CSGALNACT1: variants seen among roughly 807,000 people sequenced by gnomAD.
CSGALNACT1 encodes the protein beta4GalNAcT-1.
In CSGALNACT1, 52 loss-of-function variants were observed where a neutral mutation model predicts 51.0. The observed-to-expected ratio is 1.02, with a 90% confidence interval of 0.82 to 1.29. The LOEUF (loss-of-function observed/expected upper bound fraction) is 1.29. CSGALNACT1 is among the 50% of genes most tolerant of loss of function. The probability of loss-of-function intolerance (pLI) is 0.00; values close to 1 mark genes in which losing one functional copy is unlikely to be tolerated. For missense variants in CSGALNACT1, 935 were observed against 679.2 expected, an observed-to-expected ratio of 1.38 and a Z score of -4.19; for synonymous variants, 341 against 254.4, an observed-to-expected ratio of 1.34 and a Z score of -3.24.
At chr8:19,620,296 C>CAG (rs1225616850) in intron 1 of CSGALNACT1, among the ~76,000 whole-genome samples, 1 of 103,526 alleles carries the variant, frequency 9.7e-6, no homozygotes, top group Non-Finnish European at 1.8e-5. Context: ...GCCTGGGCAA[C>CAG]AGAGTGAGAC....
At chr8:19,725,897 C>T (rs2063374196) in intron 1 of CSGALNACT1, among the ~76,000 whole-genome samples, 1 of 152,150 alleles carries the variant, frequency 6.6e-6, no homozygotes, top group Non-Finnish European at 1.5e-5. Context: ...TACATGGACA[C>T]ATCATTATCA....
intron 1 of CSGALNACT1, among the ~76,000 whole-genome samples, chr8:19,746,019 C>T (rs186060288): frequency 2.8e-4 from 43 of 152,072 alleles, no homozygotes; most frequent in Non-Finnish European, 5.0e-4. Flanking sequence ...AGTTTCAGCT[C>T]CTTGATAATA....
chr8:19,407,921 G>C (rs1480166216), intron 9 of CSGALNACT1, among the ~76,000 whole-genome samples: 1 of 85,710 alleles, frequency 1.2e-5, no homozygotes, highest in Non-Finnish European at 2.6e-5. Flanking sequence ...GTGTGTGTGT[G>C]TGTGTGTGTG....
intron 1 of CSGALNACT1, among the ~76,000 whole-genome samples, chr8:19,657,077 A>G (rs2154187952): frequency 6.6e-6 from 1 of 151,852 alleles, no homozygotes; most frequent in Non-Finnish European, 1.5e-5. Context: ...AAAAAAAAAA[A>G]AAAAAGGAAA....
chr8:19,684,590 C>G (rs1245731763), upstream of CSGALNACT1, among the ~76,000 whole-genome samples: 1 of 152,106 alleles, frequency 6.6e-6, no homozygotes, highest in African/African-American at 2.4e-5. Flanking sequence ...CCCTGGGACC[C>G]AGGGATTGCT....
At chr8:19,556,124 TC>T (rs1431304067) in intron 3 of CSGALNACT1, among the ~76,000 whole-genome samples, 1 of 152,136 alleles carries the variant, frequency 6.6e-6, no homozygotes, top group Non-Finnish European at 1.5e-5. Context: ...ATGCCTGTAA[TC>T]CCAACACTGT....
In CSGALNACT1 at chr8:19,645,307, CAAGACATCCTCTAATG is replaced by C. The variant is rs1338840194; in HGVS notation, c.-544+37150_-544+37165del. On this transcript the variant is annotated intron_variant, in intron 1 of 9. Coordinates refer to the CSGALNACT1 transcript ENST00000332246. ...TTAACATACAACAGTGGGACATAGC[CAAGACATCCTCTAATG>C]AAGACATGGAGAATACTGTCCAACT... Among the ~76,000 whole-genome samples, 10 of 152,312 alleles carry C rather than the reference CAAGACATCCTCTAATG, an allele frequency of 6.6e-5. No individual in the cohort carries two copies. In the South Asian group the frequency reaches 1.0e-3, roughly 16 times the overall value.
At chr8:19,711,685 G>A (rs1337401162) in intron 1 of CSGALNACT1, among the ~76,000 whole-genome samples, 1 of 152,134 alleles carries the variant, frequency 6.6e-6, no homozygotes, top group East Asian at 1.9e-4. Context: ...CTGAAGAAGG[G>A]AATCTCAATA....
exon 7 of CSGALNACT1, chr8:19,420,516 G>T: frequency 6.2e-7 from 1 of 1,613,834 alleles, no homozygotes; most frequent in Non-Finnish European, 8.5e-7. Context: ...GAAGTTGGCA[G>T]CTCTGAAAGG....
At chr8:19,504,574 C>A (rs929013904) in intron 4 of CSGALNACT1, among the ~76,000 whole-genome samples, 98 of 152,066 alleles carry the variant, frequency 6.4e-4, no homozygotes, top group African/African-American at 2.3e-3. Context: ...GTCCTACGCC[C>A]GTGAAAAAAA....
At chr8:19,626,279 C>A (rs2054444560) in intron 1 of CSGALNACT1, among the ~76,000 whole-genome samples, 1 of 151,970 alleles carries the variant, frequency 6.6e-6, no homozygotes, top group Non-Finnish European at 1.5e-5. Flanking sequence ...TAAGAATGGC[C>A]AGCACATTTA....
chr8:19,554,884 T>C (rs1232093661), intron 3 of CSGALNACT1, among the ~76,000 whole-genome samples: 1 of 151,638 alleles, frequency 6.6e-6, no homozygotes, highest in African/African-American at 2.4e-5. Context: ...CGCCACTGCA[T>C]TGCAGCCTGG....
rs964090316 is a variant in CSGALNACT1, at chr8:19,601,991, C to A, written c.-511+1G>T. On this transcript the variant is annotated splice_donor_variant, in intron 1 of 9. Coordinates refer to ENST00000454498, the Ensembl canonical transcript of CSGALNACT1. LOFTEE classifies it low-confidence loss of function (5UTR_SPLICE). Reference sequence around the variant, plus strand: ...AAATACAATGCATCTGAAAGTATTACCCCAAAAAGCAGGATGGTATTTGTT... The same window carrying A: ...AAATACAATGCATCTGAAAGTATTAACCCAAAAAGCAGGATGGTATTTGTT... 38 of 388,904 alleles carry A rather than the reference C, an allele frequency of 9.8e-5. No individual in the cohort carries two copies. The highest frequency in any genetic ancestry group is 2.9e-4 in the South Asian group (15 of 52,476). 24.1% of individuals were successfully genotyped at this position (388,904 alleles called of 1,614,324 possible).
rs1416935065 is a variant in CSGALNACT1, at chr8:19,677,983, G to C, written c.-544+4490C>G. On this transcript the variant is annotated intron_variant, in intron 1 of 9. Transcript: ENST00000332246. ...AACAAAAAATTAGCTGGATGTGGTG[G>C]TGGGCACCTATAATCCCAGCTACTT... 2.6e-5 allele frequency among the ~76,000 whole-genome samples: 4 copies of C among 152,184 alleles called. No homozygotes were observed. The South Asian group carries it at 8.3e-4, about 32-fold the overall frequency.
chr8:19,440,791 G>C (rs1378974780), intron 5 of CSGALNACT1, among the ~76,000 whole-genome samples: 1 of 151,982 alleles, frequency 6.6e-6, no homozygotes, highest in African/African-American at 2.4e-5. Context: ...CCTGTTTGCA[G>C]ATGACATGAT....
At chr8:19,638,811 A>G (rs1354054025) in intron 1 of CSGALNACT1, among the ~76,000 whole-genome samples, 1 of 152,068 alleles carries the variant, frequency 6.6e-6, no homozygotes, top group African/African-American at 2.4e-5. Flanking sequence ...GTGGGAAGGT[A>G]TTTTGTAAAT....
chr8:19,674,804 G>T (rs1006653180), intron 1 of CSGALNACT1, among the ~76,000 whole-genome samples: 1 of 152,240 alleles, frequency 6.6e-6, no homozygotes, highest in East Asian at 1.9e-4. Context: ...GAAACGCGAA[G>T]AAGTTGTCTG....
At chr8:19,483,159 C>T (rs952831321) in intron 4 of CSGALNACT1, among the ~76,000 whole-genome samples, 10 of 152,204 alleles carry the variant, frequency 6.6e-5, no homozygotes, top group Admixed American at 5.2e-4. Context: ...ACGTCTCAGC[C>T]TGGAATTACA....
At chr8:19,525,272 T>A (rs1039925962) in intron 3 of CSGALNACT1, among the ~76,000 whole-genome samples, 10 of 152,108 alleles carry the variant, frequency 6.6e-5, no homozygotes, top group African/African-American at 2.2e-4. Flanking sequence ...GTGGGAGGCA[T>A]CATTACTGCC....
Sources: allele counts gnomAD v4.1 joint callset (sites outside exome capture counted in the v4.1 genomes callset), GRCh38; gene constraint gnomAD v4.1.1; transcripts MANE v1.5; gene names NCBI Gene and HGNC (gene_info 2026-07-23, HGNC 2026-07-21).